IQUB: variants seen among roughly 807,000 people sequenced by gnomAD.
IQUB encodes the protein IQ motif and ubiquitin-like domain-containing protein.
In IQUB, 86 loss-of-function variants were observed where a neutral mutation model predicts 86.4. The observed-to-expected ratio is 1.00, with a 90% CI of 0.84 to 1.19. The LOEUF (loss-of-function observed/expected upper bound fraction) is 1.19. Ranked by LOEUF, IQUB falls within the 50% of genes most tolerant of loss-of-function variation. The pLI, the probability that IQUB is intolerant of heterozygous loss-of-function variation, is 0.00. For synonymous variants in IQUB, 289 were observed against 304.5 expected, an observed-to-expected ratio of 0.95 and a Z score of 0.53; for missense variants, 946 against 916.9, an observed-to-expected ratio of 1.03 and a Z score of -0.41.
intron 7 of IQUB, among the ~76,000 whole-genome samples, chr7:123,486,419 C>T (rs1795214296): frequency 6.6e-6 from 1 of 152,164 alleles, no homozygotes; most frequent in South Asian, 2.1e-4. Context: ...CCTAACTCTG[C>T]TGAGTGTTTA....
chr7:123,502,973 T>C lies in IQUB; in HGVS notation c.838A>G (p.Arg280Gly). Reference protein sequence around the residue: ...TQTVPKRIPERLSIFCRDTQT... With the variant: ...TQTVPKRIPEGLSIFCRDTQT... Reference sequence around the variant, plus strand: ...GTATCCCTACAAAATATACTGAGTCTTTCGGGAATCCTTTTAGGTACAGTT... The same window carrying C: ...GTATCCCTACAAAATATACTGAGTCCTTCGGGAATCCTTTTAGGTACAGTT... The change falls in exon 5 of 13, where the codon AGA becomes GGA. Residue 280 changes from arginine (R) to glycine (G), a missense_variant. Coordinates refer to ENST00000324698, the MANE Select transcript of IQUB (RefSeq NM_178827.5). 1 of 1,612,486 alleles carries C rather than the reference T, an allele frequency of 6.2e-7. No individual in the cohort carries two copies. The highest frequency in any genetic ancestry group is 1.1e-5 in the South Asian group (1 of 90,884).
In IQUB at chr7:123,509,276, C is replaced by T. The variant is rs191706239; in HGVS notation, c.532+625G>A. Among the ~76,000 whole-genome samples, 318 of 152,234 alleles carry T rather than the reference C, an allele frequency of 2.1e-3. 2 individuals are homozygous for T. The highest frequency in any genetic ancestry group is 6.7e-3 in the African/African-American group (280 of 41,546). ...ACACAAGATTAATATAACTTCAGTG[C>T]GCTGTTCAATATCATCCACAAAATA... On this transcript the variant is annotated intron_variant, in intron 3 of 12. Transcript: ENST00000324698.
intron 1 of IQUB, among the ~76,000 whole-genome samples, chr7:123,528,917 G>A (rs1036383030): frequency 3.9e-5 from 6 of 152,074 alleles, no homozygotes; most frequent in African/African-American, 1.4e-4. Context: ...GCATACATAT[G>A]TGTAAACTCT....
chr7:123,505,610 G>C (rs546925334), intron 3 of IQUB, among the ~76,000 whole-genome samples: 1 of 152,312 alleles, frequency 6.6e-6, no homozygotes, highest in Non-Finnish European at 1.5e-5. Context: ...CTTTTAGCCA[G>C]AGCAGGAGCT....
chr7:123,523,843 T>C (rs1203704373), intron 1 of IQUB, among the ~76,000 whole-genome samples: 1 of 152,180 alleles, frequency 6.6e-6, no homozygotes, highest in African/African-American at 2.4e-5. Context: ...TTAGGTCTAA[T>C]GTTTAAGTCT....
chr7:123,461,254 G>GAGTC, intron 11 of IQUB, 103 bp downstream of exon 11: 1 of 1,167,024 alleles, frequency 8.6e-7, no homozygotes, highest in Non-Finnish European at 1.2e-6. Flanking sequence ...GTGGAATAGA[G>GAGTC]AGTCATTAAA....
chr7:123,518,566 T>C (rs1351040704), intron 1 of IQUB, among the ~76,000 whole-genome samples: 2 of 152,116 alleles, frequency 1.3e-5, no homozygotes, highest in Admixed American at 6.5e-5. Context: ...TTGGGGCTTT[T>C]GCATTTTATG....
At chr7:123,528,189 G>A (rs939925650) in intron 1 of IQUB, among the ~76,000 whole-genome samples, 1 of 152,076 alleles carries the variant, frequency 6.6e-6, no homozygotes, top group Admixed American at 6.6e-5. Flanking sequence ...CACGGTGCAC[G>A]CACCCACTGA....
At chr7:123,499,604 T>C (rs1795851967) in intron 6 of IQUB, among the ~76,000 whole-genome samples, 1 of 152,054 alleles carries the variant, frequency 6.6e-6, no homozygotes, top group Non-Finnish European at 1.5e-5. Context: ...TGACAGCTTC[T>C]AGAAAGAGGA....
At chr7:123,470,870 G>GA (rs1214342620) in intron 8 of IQUB, among the ~76,000 whole-genome samples, 1 of 150,724 alleles carries the variant, frequency 6.6e-6, no homozygotes, top group African/African-American at 2.4e-5. Flanking sequence ...AAAGAAAAAA[G>GA]AAAAAAACAA....
intron 7 of IQUB, among the ~76,000 whole-genome samples, chr7:123,488,480 A>C (rs1187179929): frequency 6.6e-6 from 1 of 152,214 alleles, no homozygotes; most frequent in Non-Finnish European, 1.5e-5. Context: ...CCCTGAGCAC[A>C]TTTGCTAGCA....
At chr7:123,508,732 G>A (rs1796296385) in intron 3 of IQUB, among the ~76,000 whole-genome samples, 2 of 152,128 alleles carry the variant, frequency 1.3e-5, no homozygotes, top group Admixed American at 6.5e-5. Flanking sequence ...AATTCCCTCT[G>A]GAGTCATACC....
At position 123,500,398 on chromosome 7, in the gene IQUB, G is replaced by A. The variant is rs541614344; in HGVS notation, c.1023+2199C>T. Reference sequence around the variant, plus strand: ...TTTATTCAAACCAACAAAAAGAAAAGGCTAAAAAAAGCATAAACAAATAAG... The same window carrying A: ...TTTATTCAAACCAACAAAAAGAAAAAGCTAAAAAAAGCATAAACAAATAAG... On this transcript the variant is annotated intron_variant, in intron 6 of 12. Transcript: ENST00000324698. Among the ~76,000 whole-genome samples, 7 of 151,750 alleles carry A rather than the reference G, an allele frequency of 4.6e-5. No homozygotes were observed. The East Asian group carries it at 1.2e-3, about 25-fold the overall frequency.
intron 1 of IQUB, among the ~76,000 whole-genome samples, chr7:123,526,232 G>C (rs1326557983): frequency 6.6e-6 from 1 of 152,142 alleles, no homozygotes; most frequent in Admixed American, 6.6e-5. Context: ...TTGGTGCAGA[G>C]CTGAGTTCAA....
At chr7:123,509,806 T>TACCAAGA in intron 3 of IQUB, 95 bp downstream of exon 3, 1 of 1,044,742 alleles carries the variant, frequency 9.6e-7, no homozygotes, top group Non-Finnish European at 1.4e-6. Flanking sequence ...GTTCAATTAG[T>TACCAAGA]ACCAAGATAT....
At chr7:123,523,185 G>C (rs570588139) in intron 1 of IQUB, among the ~76,000 whole-genome samples, 17 of 151,858 alleles carry the variant, frequency 1.1e-4, no homozygotes, top group East Asian at 7.7e-4. Context: ...TATCTTTATA[G>C]CAGCATGATT....
chr7:123,513,019 T>C (rs953560527), intron 1 of IQUB, among the ~76,000 whole-genome samples: 1 of 152,052 alleles, frequency 6.6e-6, no homozygotes, highest in Admixed American at 6.6e-5. Flanking sequence ...ATGTCCAATA[T>C]AGCAGGGAGC....
At chr7:123,530,483 CA>C (rs986580532) in intron 1 of IQUB, among the ~76,000 whole-genome samples, 1 of 151,630 alleles carries the variant, frequency 6.6e-6, no homozygotes, top group South Asian at 2.1e-4. Context: ...ACAACAACAC[CA>C]AAAAACCCTC....
intron 12 of IQUB, chr7:123,456,624 G>A (rs1360445804): frequency 6.6e-6 from 1 of 151,828 alleles, no homozygotes; most frequent in Non-Finnish European, 1.5e-5. Flanking sequence ...CTTTCCTTTA[G>A]CTGACACCTT....
Sources: gnomAD v4.1 joint callset for allele counts (sites outside exome capture counted in the v4.1 genomes callset) on GRCh38, gnomAD v4.1.1 for gene constraint, MANE v1.5 for transcripts, NCBI Gene and HGNC (gene_info 2026-07-23, HGNC 2026-07-21) for gene names.